The following NPPC variants were observed in gnomAD, a reference collection of about 807,000 sequenced individuals.
The protein encoded by NPPC is natriuretic peptide C.
In NPPC, 4 loss-of-function variants were observed where a neutral mutation model predicts 10.2. That is an observed-to-expected ratio of 0.39 (90% CI 0.19 to 0.90). The LOEUF (loss-of-function observed/expected upper bound fraction) is 0.90. Ranked by LOEUF, NPPC falls within the 40% of genes least tolerant of loss-of-function variation. The pLI, the probability that NPPC is intolerant of heterozygous loss-of-function variation, is 0.37. For missense variants in NPPC, 182 were observed against 173.8 expected, an observed-to-expected ratio of 1.05 and a Z score of -0.26; for synonymous variants, 83 against 87.3, an observed-to-expected ratio of 0.95 and a Z score of 0.27.
rs1314947328 is a variant in NPPC at position 231,926,382 on chromosome 2, G to C, written c.-133C>G. The C allele has an allele frequency of 6.3e-6, 3 of 472,722 alleles. No individual in the cohort carries two copies. Among genetic ancestry groups the C allele is most frequent in the African/African-American group, 2.0e-5 (1 of 49,822 alleles). The allele number at this position is 472,722 out of a possible 1,614,324, so 29.3% of individuals were successfully genotyped here. On this transcript the variant is annotated 5_prime_UTR_variant, in exon 1 of 3. Coordinates refer to ENST00000409852, the MANE Select transcript of NPPC (RefSeq NM_024409.4). The stretch of plus-strand genomic sequence containing the variant: ...CAGGGTCCCAGTGCTGCGCGGCGCC[G>C]GCTGGGTGCGCTCTGAGCCCGTGAC...
At chr2:231,926,074 C>G (rs1213339186) in intron 1 of NPPC, 86 bp downstream of exon 1, 2 of 1,071,052 alleles carry the variant, frequency 1.9e-6, no homozygotes, top group African/African-American at 3.3e-5. Context: ...TGCCTTCCCT[C>G]TCTCCTGGGT....
chr2:231,923,373 C>A (rs1048326888), intron 2 of NPPC, among the ~76,000 whole-genome samples: 1 of 152,222 alleles, frequency 6.6e-6, no homozygotes, highest in African/African-American at 2.4e-5. Flanking sequence ...TCACCCACTG[C>A]GTGGAGAAAC....
rs1691935534 is a variant in NPPC, at chr2:231,921,951, A to G, written c.*385T>C. On this transcript the variant is annotated 3_prime_UTR_variant, in exon 3 of 3. Transcript: ENST00000409852. ...ATATCTCTTTATAAACAATATAAAT[A>G]GCTTTACAACATAAATACATTTATG... is the stretch of plus-strand genomic sequence containing the variant. 1 of 151,908 alleles carries G rather than the reference A, an allele frequency of 6.6e-6. No homozygotes were observed. The allele number at this position is 151,908 out of a possible 1,614,324, so 9.4% of individuals were successfully genotyped here.
chr2:231,925,845 G>A, intron 1 of NPPC, 130 bp from the exon 2 acceptor site: 1 of 1,130,672 alleles, frequency 8.8e-7, no homozygotes. Context: ...CACCGATGCC[G>A]GCCAGCTTGG....
intron 2 of NPPC, among the ~76,000 whole-genome samples, chr2:231,924,890 G>T (rs1291377445): frequency 6.6e-6 from 1 of 152,228 alleles, no homozygotes; most frequent in East Asian, 1.9e-4. Context: ...GGACAGACCA[G>T]TTTGCCCACT....
At chr2:231,926,090 G>T in intron 1 of NPPC, 70 bp downstream of exon 1, 1 of 1,126,658 alleles carries the variant, frequency 8.9e-7, no homozygotes, top group Non-Finnish European at 1.1e-6. Context: ...TGGGTCCTGC[G>T]CGCCGCATTC....
rs938929634 is a variant in NPPC at position 231,925,734 on chromosome 2, G to A, written c.91-19C>T. 19 of 1,528,862 alleles carry A rather than the reference G, an allele frequency of 1.2e-5. No homozygotes were observed. In the East Asian group the frequency reaches 4.0e-4, roughly 32 times the overall value. The allele number at this position is 1,528,862 out of a possible 1,614,324, so 94.7% of individuals were successfully genotyped here. A position where few individuals can be genotyped will look rare whatever the true frequency, so the allele number is the denominator to read the frequency against. On this transcript the variant is annotated intron_variant, in intron 1 of 2. Transcript: ENST00000409852. ...GCGGGACCTGTCCGAGGAAAGAGCG[G>A]GCAGGTGAAGGGACACGCGGCTGCA...
chr2:231,925,694 C>G lies in NPPC; in HGVS notation c.112G>C (p.Glu38Gln), dbSNP rs1691996870. The change falls in exon 2 of 3, where the codon GAG (glutamate) becomes CAG (glutamine). Residue 38 changes from glutamate to glutamine, a missense_variant. Transcript: ENST00000409852. Reference sequence around the variant, plus strand: ...GCAGCCTGCGGCTCGGCCAGCTCCTCTGCCGGCGGGGTTCGCGGGACCTGT... The same window carrying G: ...GCAGCCTGCGGCTCGGCCAGCTCCTGTGCCGGCGGGGTTCGCGGGACCTGT... ...PPKVPRTPPA[E>Q]ELAEPQAAGG... 6.3e-7 allele frequency: 1 copy of G among 1,584,588 alleles called. No homozygotes were observed. The highest frequency in any genetic ancestry group is 2.3e-5 in the East Asian group (1 of 44,098).
chr2:231,922,762 C>A (rs1266502485), intron 2 of NPPC, among the ~76,000 whole-genome samples: 1 of 152,200 alleles, frequency 6.6e-6, no homozygotes, highest in African/African-American at 2.4e-5. Flanking sequence ...GCTCAAATCT[C>A]TACTCTGACG....
intron 2 of NPPC, among the ~76,000 whole-genome samples, chr2:231,922,811 A>G (rs1330893175): frequency 1.3e-5 from 2 of 152,096 alleles, no homozygotes; most frequent in Admixed American, 1.3e-4. Flanking sequence ...GGGAGTGTTC[A>G]CCCATAAAAT....
intron 1 of NPPC, 127 bp from the exon 2 acceptor site, chr2:231,925,842 G>T: frequency 8.5e-7 from 1 of 1,175,590 alleles, no homozygotes; most frequent in Non-Finnish European, 1.1e-6. Flanking sequence ...CCCCACCGAT[G>T]CCGGCCAGCT....
chr2:231,925,540 A>C lies in NPPC; in HGVS notation c.266T>G (p.Leu89Arg). The C allele has an allele frequency of 6.2e-7, 1 of 1,612,806 alleles. No homozygotes were observed. The highest frequency in any genetic ancestry group is 1.3e-5 in the African/African-American group (1 of 74,998). The change falls in exon 2 of 3, where the codon CTG becomes CGG. Residue 89 changes from leucine to arginine, a missense_variant. Transcript: ENST00000409852. ...TKSRAAWARL[L>R]QEHPNARKYK... ...TTTGCGCGCGTTGGGGTGCTCTTGC[A>C]GAAGGCGAGCCCACGCTGCCCGCGA...
At position 231,926,261 on chromosome 2, in the gene NPPC, G is replaced by A. The variant is rs1161832618; in HGVS notation, c.-12C>T. The A allele has an allele frequency of 3.1e-6, 4 of 1,287,166 alleles. No homozygotes were observed. In the South Asian group the frequency reaches 1.1e-4, roughly 35 times the overall value. 79.7% of individuals were successfully genotyped at this position (1,287,166 alleles called of 1,614,324 possible). ...TGGGAGAGATGCATGGTGCCGCTGGGGTCGAGGGGCGCACACGGGCGGCAG... is the reference window on the plus strand; with the variant it reads ...TGGGAGAGATGCATGGTGCCGCTGGAGTCGAGGGGCGCACACGGGCGGCAG... On this transcript the variant is annotated 5_prime_UTR_variant, in exon 1 of 3. Coordinates refer to ENST00000409852, the MANE Select transcript of NPPC (RefSeq NM_024409.4).
At chr2:231,925,362 C>A in intron 2 of NPPC, 43 bp downstream of exon 2, 1 of 1,438,646 alleles carries the variant, frequency 7.0e-7, no homozygotes, top group Non-Finnish European at 9.1e-7. Flanking sequence ...GGCGGGCGGT[C>A]CCGGGCCGGG....
At position 231,921,930 on chromosome 2, in the gene NPPC, C is replaced by A. The variant is rs1691935245; in HGVS notation, c.*406G>T. ...ACATAAATAAAATTTTTATAAATAT[C>A]TCTTTATAAACAATATAAATAGCTT... On this transcript the variant is annotated 3_prime_UTR_variant, in exon 3 of 3. Transcript: ENST00000409852. 2 of 149,944 alleles carry A rather than the reference C, an allele frequency of 1.3e-5. No homozygotes were observed. The highest frequency in any genetic ancestry group is 5.0e-5 in the African/African-American group (2 of 40,234). 9.3% of individuals were successfully genotyped at this position (149,944 alleles called of 1,614,324 possible).
intron 2 of NPPC, among the ~76,000 whole-genome samples, chr2:231,924,319 A>T (rs1691969670): frequency 6.6e-6 from 1 of 152,244 alleles, no homozygotes; most frequent in South Asian, 2.1e-4. Flanking sequence ...GTACTGTAAA[A>T]AAGAGACAGT....
chr2:231,923,805 C>T (rs1200163490), intron 2 of NPPC, among the ~76,000 whole-genome samples: 1 of 152,222 alleles, frequency 6.6e-6, no homozygotes, highest in East Asian at 1.9e-4. Context: ...AAGAACAAAG[C>T]CCCTGTGGGG....
intron 2 of NPPC, among the ~76,000 whole-genome samples, chr2:231,924,178 G>A (rs1274457754): frequency 6.6e-6 from 1 of 152,270 alleles, no homozygotes; most frequent in Admixed American, 6.5e-5. Context: ...GGTTTCTCTG[G>A]TCATTGACAA....
chr2:231,922,412 C>T (rs1201879771), intron 2 of NPPC, 97 bp from the exon 3 acceptor site: 1 of 152,232 alleles, frequency 6.6e-6, no homozygotes, highest in Non-Finnish European at 1.5e-5. Flanking sequence ...TCCCCTTCTC[C>T]CAGCAGCTTG....
Sources: allele counts gnomAD v4.1 joint callset (sites outside exome capture counted in the v4.1 genomes callset), GRCh38; gene constraint gnomAD v4.1.1; transcripts MANE v1.5; gene names NCBI Gene and HGNC (gene_info 2026-07-23, HGNC 2026-07-21).